The following TMEM74 variants were observed in gnomAD, a reference collection of about 807,000 sequenced individuals.
The protein encoded by TMEM74 is transmembrane protein 74.
A neutral mutation model predicts 18.1 loss-of-function variants in TMEM74; 13 were observed. The ratio of observed to expected loss-of-function variants is 0.72; its 90% CI spans 0.47 to 1.14. The LOEUF is 1.14. Ranked by LOEUF, TMEM74 falls within the 50% of genes most tolerant of loss-of-function variation. The pLI, the probability that TMEM74 is intolerant of heterozygous loss-of-function variation, is 0.00. For synonymous variants in TMEM74, 159 were observed against 146.6 expected (o/e 1.08, Z -0.61); for missense variants, 372 against 375.9 (o/e 0.99, Z 0.09).
intron 2 of TMEM74, among the ~76,000 whole-genome samples, chr8:108,633,006 A>G (rs1454225463): frequency 1.3e-5 from 2 of 151,990 alleles, no homozygotes; most frequent in African/African-American, 4.8e-5. Flanking sequence ...AGAGTGTTCA[A>G]ATAATGGTCC....
intron 1 of TMEM74, among the ~76,000 whole-genome samples, chr8:108,730,935 G>C (rs1455232304): frequency 6.6e-6 from 1 of 152,082 alleles, no homozygotes; most frequent in African/African-American, 2.4e-5. Context: ...CTGCCACCAT[G>C]TGTTCTTATA....
At chr8:108,734,575 TCTC>T (rs1042972764) in intron 1 of TMEM74, among the ~76,000 whole-genome samples, 4 of 152,198 alleles carry the variant, frequency 2.6e-5, no homozygotes, top group South Asian at 2.1e-4. Context: ...TCAGTGCTCT[TCTC>T]CTCCTCCCCA....
intron 1 of TMEM74, 71 bp downstream of exon 1, chr8:108,787,405 G>A (rs1204743317): frequency 6.6e-6 from 1 of 152,294 alleles, no homozygotes; most frequent in Admixed American, 6.5e-5. Flanking sequence ...ATGCGCTCCA[G>A]CTCTGCTAGG....
intron 1 of TMEM74, among the ~76,000 whole-genome samples, chr8:108,694,629 C>T (rs1024743698): frequency 5.3e-5 from 8 of 152,120 alleles, no homozygotes; most frequent in African/African-American, 1.9e-4. Flanking sequence ...AGAGAAGGCT[C>T]GCTGTATTGC....
At chr8:108,639,634 C>G (rs1812642874) in intron 2 of TMEM74, among the ~76,000 whole-genome samples, 1 of 152,122 alleles carries the variant, frequency 6.6e-6, no homozygotes, top group Non-Finnish European at 1.5e-5. Flanking sequence ...GATAATTTTC[C>G]TATCATATAG....
chr8:108,629,144 C>T (rs1480544378), intron 2 of TMEM74, among the ~76,000 whole-genome samples: 2 of 151,936 alleles, frequency 1.3e-5, no homozygotes, highest in Non-Finnish European at 2.9e-5. Flanking sequence ...CATAATTGAC[C>T]TGATGGAGCT....
chr8:108,769,218 C>T (rs1029138291), intron 1 of TMEM74, among the ~76,000 whole-genome samples: 1 of 151,538 alleles, frequency 6.6e-6, no homozygotes, highest in Non-Finnish European at 1.5e-5. Flanking sequence ...TTCCCAGCTA[C>T]TCAGGAGGCT....
chr8:108,675,078 C>G (rs998100393), intron 1 of TMEM74, among the ~76,000 whole-genome samples: 2 of 152,174 alleles, frequency 1.3e-5, no homozygotes, highest in Non-Finnish European at 2.9e-5. Context: ...AGATCCCTTG[C>G]CTCCTGGATG....
At chr8:108,718,302 T>C (rs1028184793) in intron 1 of TMEM74, among the ~76,000 whole-genome samples, 1 of 152,120 alleles carries the variant, frequency 6.6e-6, no homozygotes, top group African/African-American at 2.4e-5. Context: ...GTACTGTGAA[T>C]AGATGAAAGA....
At chr8:108,665,201 G>C (rs1179583937) in intron 1 of TMEM74, among the ~76,000 whole-genome samples, 1 of 152,106 alleles carries the variant, frequency 6.6e-6, no homozygotes, top group Non-Finnish European at 1.5e-5. Flanking sequence ...TTCTGTGCCA[G>C]AAACAGACTC....
At chr8:108,734,851 A>G (rs567307360) in intron 1 of TMEM74, among the ~76,000 whole-genome samples, 1 of 152,300 alleles carries the variant, frequency 6.6e-6, no homozygotes, top group South Asian at 2.1e-4. Flanking sequence ...GGCACTAGGC[A>G]TTCCTATTAT....
chr8:108,733,558 T>C (rs557479822), intron 1 of TMEM74, among the ~76,000 whole-genome samples: 78 of 152,290 alleles, frequency 5.1e-4, no homozygotes, highest in African/African-American at 1.8e-3. Context: ...CATGTCTTGA[T>C]AACAATGTAG....
In TMEM74 at chr8:108,779,783, G is replaced by A. The variant is rs1814280271; in HGVS notation, c.*4398C>T. On this transcript the variant is annotated 3_prime_UTR_variant, in exon 2 of 2. Transcript: ENST00000297459. ...CATAGACTTGAGTGCACATAAATCT[G>A]CACACAAACATAAACCACGAGTACA... Among the ~76,000 whole-genome samples the A allele has an allele frequency of 6.6e-6, 1 of 152,134 alleles. No individual in the cohort carries two copies. Among genetic ancestry groups the A allele is most frequent in the African/African-American group, 2.4e-5 (1 of 41,430 alleles).
rs571426035 is a variant in TMEM74 at position 108,762,917 on chromosome 8, C to A, written n.119+24559G>T. ...AACAAAACAAAAAACTCCTTGAGGA[C>A]AGGTAGCTTCTAGTTTTGCTTTGTT... On this transcript the variant is annotated intron_variant and non_coding_transcript_variant, in intron 1 of 3. Coordinates refer to the TMEM74 transcript ENST00000518838. Among the ~76,000 whole-genome samples, 3 of 152,224 alleles carry A rather than the reference C, an allele frequency of 2.0e-5. No individual in the cohort carries two copies. The East Asian group carries it at 5.8e-4, about 29-fold the overall frequency.
In TMEM74 at chr8:108,782,462, CCT is replaced by C. The variant is rs199951280; in HGVS notation, c.*1717_*1718del. Among the ~76,000 whole-genome samples, 1,547 of 152,226 alleles carry C rather than the reference CCT, an allele frequency of 0.01. 9 individuals carry two copies. Among genetic ancestry groups the C allele is most frequent in the Non-Finnish European group, 0.017 (1,124 of 68,020 alleles). The stretch of plus-strand genomic sequence containing the variant: ...CTTAATAATTCTTTCATATGCCCAT[CCT>C]CTCTTTTTACTATCTTCTGAGCCTC... On this transcript the variant is annotated 3_prime_UTR_variant, in exon 2 of 2. Coordinates refer to ENST00000297459, the MANE Select transcript of TMEM74 (RefSeq NM_153015.3).
chr8:108,765,989 A>G (rs531720993), intron 1 of TMEM74, among the ~76,000 whole-genome samples: 1 of 152,302 alleles, frequency 6.6e-6, no homozygotes, highest in Non-Finnish European at 1.5e-5. Flanking sequence ...AGCAAAAAGT[A>G]TATCGGCAGA....
chr8:108,630,087 T>G (rs1310201332), intron 2 of TMEM74, among the ~76,000 whole-genome samples: 1 of 151,858 alleles, frequency 6.6e-6, no homozygotes, highest in African/African-American at 2.4e-5. Context: ...ATTCAGGATA[T>G]CCATCTCACA....
chr8:108,629,183 G>A (rs1812525788), intron 2 of TMEM74, among the ~76,000 whole-genome samples: 1 of 151,978 alleles, frequency 6.6e-6, no homozygotes, highest in Admixed American at 6.6e-5. Flanking sequence ...ACTTCATAAA[G>A]CATACACAAG....
chr8:108,751,651 G>A (rs976159221), intron 1 of TMEM74, among the ~76,000 whole-genome samples: 8 of 151,888 alleles, frequency 5.3e-5, no homozygotes, highest in Non-Finnish European at 8.8e-5. Context: ...AAACATAAAC[G>A]AGCTAAATAT....
Sources: gnomAD v4.1 joint callset for allele counts (sites outside exome capture counted in the v4.1 genomes callset) on GRCh38, gnomAD v4.1.1 for gene constraint, MANE v1.5 for transcripts, NCBI Gene and HGNC (gene_info 2026-07-23, HGNC 2026-07-21) for gene names.